PLD5: variants seen among roughly 807,000 people sequenced by gnomAD.
PLD5 encodes the protein phospholipase D family member 5.
PLD5 carries 36 observed loss-of-function variants against 61.1 expected under a neutral mutation model. That is an observed-to-expected ratio of 0.59 (90% CI 0.45 to 0.78). The LOEUF (loss-of-function observed/expected upper bound fraction) is 0.78, where lower values mean the gene tolerates loss of function less well. PLD5 is among the 30% of genes least tolerant of loss of function. The pLI is 0.00. For missense variants in PLD5, 515 were observed against 644.4 expected (o/e 0.80, Z 2.17); for synonymous variants, 243 against 242.8 (o/e 1.00, Z -0.01).
At chr1:242,413,368 C>A (rs1664660335) in intron 1 of PLD5, among the ~76,000 whole-genome samples, 1 of 151,680 alleles carries the variant, frequency 6.6e-6, no homozygotes, top group South Asian at 2.1e-4. Flanking sequence ...ATATGATAGA[C>A]TATCCTAGGC....
chr1:242,125,709 A>T (rs1397726493), intron 5 of PLD5, among the ~76,000 whole-genome samples: 2 of 151,986 alleles, frequency 1.3e-5, no homozygotes, highest in Non-Finnish European at 1.5e-5. Flanking sequence ...TTGATAGTAA[A>T]CTCCCTTTTT....
In PLD5 at chr1:242,368,618, C is replaced by T. The variant is rs371643593; in HGVS notation, c.190-20376G>A. On this transcript the variant is annotated intron_variant, in intron 1 of 9. Transcript: ENST00000536534. The stretch of plus-strand genomic sequence containing the variant: ...GCATAGGGCATGAATCTCTGACAGT[C>T]TCCACCCCAGTCTTTTATTATGCAG... 3.8e-4 allele frequency among the ~76,000 whole-genome samples: 58 copies of T among 152,250 alleles called. No individual in the cohort carries two copies. The South Asian group carries it at 0.011, about 29-fold the overall frequency.
chr1:242,388,764 G>T (rs1431126714), intron 1 of PLD5, among the ~76,000 whole-genome samples: 1 of 152,018 alleles, frequency 6.6e-6, no homozygotes, highest in African/African-American at 2.4e-5. Flanking sequence ...AGACCAGCCT[G>T]GCCAGGATGG....
At chr1:242,347,575 A>C (rs1660208055) in intron 2 of PLD5, among the ~76,000 whole-genome samples, 1 of 152,118 alleles carries the variant, frequency 6.6e-6, no homozygotes, top group Non-Finnish European at 1.5e-5. Context: ...CTGAAGAGAC[A>C]TAATGCATAC....
intron 2 of PLD5, among the ~76,000 whole-genome samples, chr1:242,330,075 C>T (rs1659078150): frequency 6.6e-6 from 1 of 152,146 alleles, no homozygotes; most frequent in South Asian, 2.1e-4. Flanking sequence ...TTATGATCCT[C>T]TTGAATTAGA....
In PLD5 at chr1:242,095,680, A is replaced by G. The variant is rs529225417; in HGVS notation, c.1354+4988T>C. On this transcript the variant is annotated intron_variant, in intron 9 of 9. Coordinates refer to ENST00000536534, the MANE Select transcript of PLD5 (RefSeq NM_001372062.1). ...TAGATACAGGTACAAGTCACTGCTG[A>G]ATTGACACACAACATCTTACTTTAA... Among the ~76,000 whole-genome samples, 17 of 152,320 alleles carry G rather than the reference A, an allele frequency of 1.1e-4. No homozygotes were observed. The South Asian group carries it at 3.3e-3, about 30-fold the overall frequency.
upstream of PLD5, among the ~76,000 whole-genome samples, chr1:242,525,625 G>C (rs1216299575): frequency 6.6e-6 from 1 of 152,170 alleles, no homozygotes; most frequent in Non-Finnish European, 1.5e-5. Flanking sequence ...AGGGTGTCTC[G>C]TGTCTGGTTA....
At chr1:242,099,452 A>G (rs1660515470) in intron 9 of PLD5, among the ~76,000 whole-genome samples, 1 of 152,158 alleles carries the variant, frequency 6.6e-6, no homozygotes, top group Admixed American at 6.6e-5. Flanking sequence ...AAATATTCCA[A>G]TACTCTCTTC....
chr1:242,176,130 C>T (rs893644586), intron 5 of PLD5, among the ~76,000 whole-genome samples: 2 of 152,188 alleles, frequency 1.3e-5, no homozygotes, highest in African/African-American at 4.8e-5. Context: ...ATAGCCAAGA[C>T]AATCCTAAAT....
chr1:242,124,697 A>G, intron 5 of PLD5, 32 bp from the exon 6 acceptor site: 1 of 1,558,354 alleles, frequency 6.4e-7, no homozygotes, highest in Non-Finnish European at 8.8e-7. Flanking sequence ...CATCAATGCC[A>G]TGTGTGTCTT....
At chr1:242,101,340 A>T (rs1660671485) in intron 8 of PLD5, among the ~76,000 whole-genome samples, 1 of 152,146 alleles carries the variant, frequency 6.6e-6, no homozygotes, top group African/African-American at 2.4e-5. Flanking sequence ...TCAAACCGTG[A>T]ATTCTGAATT....
intron 1 of PLD5, among the ~76,000 whole-genome samples, chr1:242,419,572 A>ATTTTTTTTTT (rs767869905): frequency 2.1e-5 from 2 of 97,090 alleles, no homozygotes; most frequent in Admixed American, 1.4e-4. Flanking sequence ...AATTTTTTGC[A>ATTTTTTTTTT]TTTTTTTTTT....
chr1:242,362,820 G>A (rs1276001582), intron 1 of PLD5, among the ~76,000 whole-genome samples: 2 of 151,930 alleles, frequency 1.3e-5, no homozygotes, highest in African/African-American at 4.8e-5. Context: ...CCCCTTTCCT[G>A]AGGGACTTTA....
Position 242,119,574 on chromosome 1 carries a change from G to C in PLD5, c.933+4894C>G, listed in dbSNP as rs894922856. ...TATTTTGTGTCTCTTCTTTAAAGAA[G>C]AGATACAAATGGCCGATAAGCACGT... On this transcript the variant is annotated intron_variant, in intron 6 of 9. Coordinates refer to ENST00000536534, the MANE Select transcript of PLD5 (RefSeq NM_001372062.1). Among the ~76,000 whole-genome samples, 10 of 152,096 alleles carry C rather than the reference G, an allele frequency of 6.6e-5. No homozygotes were observed. The East Asian group carries it at 1.9e-3, about 29-fold the overall frequency.
chr1:242,449,190 T>C (rs1666679763), intron 1 of PLD5, among the ~76,000 whole-genome samples: 1 of 152,230 alleles, frequency 6.6e-6, no homozygotes, highest in South Asian at 2.1e-4. Context: ...ATCAGTGCTC[T>C]GGTGAAAAGA....
rs1187310632 is a variant in PLD5, at chr1:242,146,270, T to C, written c.736-21605A>G. 2.6e-5 allele frequency among the ~76,000 whole-genome samples: 4 copies of C among 152,212 alleles called. No individual in the cohort carries two copies. The East Asian group carries it at 7.7e-4, about 29-fold the overall frequency. On this transcript the variant is annotated intron_variant, in intron 5 of 9. Transcript: ENST00000536534. Reference sequence around the variant, plus strand: ...GCATTAAACATTTCTCTTCACTCAGTTTTTAGCAATTCAGTAGACTTCACT... The same window carrying C: ...GCATTAAACATTTCTCTTCACTCAGCTTTTAGCAATTCAGTAGACTTCACT...
At chr1:242,238,711 C>T (rs1671801067) in intron 4 of PLD5, among the ~76,000 whole-genome samples, 1 of 152,136 alleles carries the variant, frequency 6.6e-6, no homozygotes, top group Non-Finnish European at 1.5e-5. Context: ...AACGCTTATA[C>T]TAAAAAAATC....
At chr1:242,136,103 T>C (rs1663702515) in intron 5 of PLD5, among the ~76,000 whole-genome samples, 1 of 152,192 alleles carries the variant, frequency 6.6e-6, no homozygotes, top group South Asian at 2.1e-4. Flanking sequence ...CAGCTGTGAC[T>C]CCTTTAACTT....
chr1:242,510,375 G>A lies in PLD5; in HGVS notation c.189+13713C>T, dbSNP rs1447327786. Among the ~76,000 whole-genome samples the A allele has an allele frequency of 3.3e-5, 5 of 152,126 alleles. 1 individual carries two copies. The highest frequency in any genetic ancestry group is 1.2e-4 in the African/African-American group (5 of 41,422). On this transcript the variant is annotated intron_variant, in intron 1 of 9. Transcript: ENST00000536534. ...AACAATATCTGTATGTACAAAGAAA[G>A]TGTCTGTACACACATGCATGCACAC...
Sources: allele counts gnomAD v4.1 joint callset (sites outside exome capture counted in the v4.1 genomes callset), GRCh38; gene constraint gnomAD v4.1.1; transcripts MANE v1.5; gene names NCBI Gene and HGNC (gene_info 2026-07-23, HGNC 2026-07-21).